Variants in FKBP11 observed in about 807,000 individuals in gnomAD.
FKBP11 encodes peptidyl-prolyl cis-trans isomerase FKBP11.
FKBP11 carries 21 observed loss-of-function variants against 24.7 expected under a neutral mutation model. That is an observed-to-expected ratio of 0.85 (90% confidence interval 0.60 to 1.23). The LOEUF (loss-of-function observed/expected upper bound fraction) is 1.23, where lower values mean the gene tolerates loss of function less well. Among genes scored for constraint, FKBP11 ranks in the 50% most tolerant of loss-of-function variants. FKBP11 has a pLI of 0.00. For synonymous variants in FKBP11, 106 were observed against 100.6 expected, an observed-to-expected ratio of 1.05 and a Z score of -0.32; for missense variants, 245 against 248.7, an observed-to-expected ratio of 0.99 and a Z score of 0.10.
chr12:48,933,789 C>T, the FKBP11 span, among the ~76,000 whole-genome samples: 1 of 151,892 alleles, frequency 6.6e-6, no homozygotes, highest in Non-Finnish European at 1.5e-5. Context: ...ATCGCTTGAA[C>T]CTGGGAGGCA....
chr12:48,932,098 C>A, the FKBP11 span, among the ~76,000 whole-genome samples: 1 of 149,292 alleles, frequency 6.7e-6, no homozygotes, highest in East Asian at 2.0e-4. Context: ...ACTGCTTGAG[C>A]CCAGGAGTTT....
chr12:48,924,109 G>T, intron 4 of FKBP11, 114 bp downstream of exon 4: 1 of 1,282,664 alleles, frequency 7.8e-7, no homozygotes, highest in Non-Finnish European at 1.1e-6. Flanking sequence ...GACCTGTCCA[G>T]TGGGAAGCAG....
upstream of FKBP11, among the ~76,000 whole-genome samples, chr12:48,927,663 A>G (rs890805841): frequency 3.9e-5 from 6 of 152,194 alleles, no homozygotes; most frequent in African/African-American, 1.2e-4. Context: ...AGAGTTAACT[A>G]GAAAGCGTCC....
At chr12:48,932,228 TATATATATATATATA>T in the FKBP11 span, among the ~76,000 whole-genome samples, 5 of 32,834 alleles carry the variant, frequency 1.5e-4, no homozygotes, top group Admixed American at 8.6e-4. Context: ...AACATATATT[TATATATATATATATA>T]TATATATATA....
rs537256742 is a variant in FKBP11, at chr12:48,924,202, C to T, written c.317+21G>A. On this transcript the variant is annotated intron_variant, in intron 4 of 5. Coordinates refer to ENST00000550765, the MANE Select transcript of FKBP11 (RefSeq NM_016594.3). ...CCCATGCAAAGGGGGTACCCAGGCC[C>T]ACCCCTGCCGAGATACTCACCCCAC... 30 of 1,613,878 alleles carry T rather than the reference C, an allele frequency of 1.9e-5. No individual in the cohort carries two copies. In the African/African-American group the frequency reaches 3.9e-4, roughly 21 times the overall value.
chr12:48,929,669 C>T (rs1940023460), upstream of FKBP11, among the ~76,000 whole-genome samples: 1 of 152,210 alleles, frequency 6.6e-6, no homozygotes. Context: ...TAAACTGAAT[C>T]CCTCTTAGAG....
At chr12:48,933,984 G>A in the FKBP11 span, among the ~76,000 whole-genome samples, 1 of 152,134 alleles carries the variant, frequency 6.6e-6, no homozygotes, top group Admixed American at 6.5e-5. Context: ...GTATACTACA[G>A]ATGTCCCAAA....
At chr12:48,924,116 G>T in intron 4 of FKBP11, 107 bp downstream of exon 4, 1 of 1,336,926 alleles carries the variant, frequency 7.5e-7, no homozygotes, top group Non-Finnish European at 1.1e-6. Context: ...CCAGTGGGAA[G>T]CAGGGTCCTT....
intron 2 of FKBP11, 61 bp from the exon 3 acceptor site, chr12:48,924,709 AAC>A: frequency 1.9e-6 from 3 of 1,590,662 alleles, no homozygotes; most frequent in Non-Finnish European, 2.6e-6. Context: ...GCAGGCGCGC[AAC>A]ACACACCTGG....
At chr12:48,929,687 C>T (rs551450564), upstream of FKBP11, among the ~76,000 whole-genome samples, 5 of 152,286 alleles carry the variant, frequency 3.3e-5, 1 homozygote, top group South Asian at 1.0e-3. Context: ...GAGACAGGAA[C>T]CTCATGTTTC....
At chr12:48,931,067 T>A (rs1940042750), upstream of FKBP11, among the ~76,000 whole-genome samples, 3 of 138,150 alleles carry the variant, frequency 2.2e-5, no homozygotes. Context: ...AGGCGGAGCT[T>A]GCAGTGAGCC....
upstream of FKBP11, among the ~76,000 whole-genome samples, chr12:48,931,128 T>TAAAAAAAAAAAAAAA (rs35482677): frequency 2.8e-5 from 1 of 36,210 alleles, no homozygotes; most frequent in Non-Finnish European, 4.6e-5. Flanking sequence ...GACTCCAGCT[T>TAAAAAAAAAAAAAAA]AAAAAAAAAA....
the FKBP11 span, among the ~76,000 whole-genome samples, chr12:48,935,018 CAA>C: frequency 0.34 from 29,438 of 87,526 alleles, 3,843 homozygotes; most frequent in Admixed American, 0.47. Flanking sequence ...AATTCCGTCT[CAA>C]AAAAAAAAAA....
chr12:48,923,016 C>T (rs946603710), intron 5 of FKBP11: 5 of 733,574 alleles, frequency 6.8e-6, no homozygotes, highest in South Asian at 3.2e-5. Flanking sequence ...GTCGTGGTGG[C>T]GCATGCCTGT....
At chr12:48,923,603 C>T (rs534962905) in intron 5 of FKBP11, 179 bp downstream of exon 5, 1 of 1,553,082 alleles carries the variant, frequency 6.4e-7, no homozygotes, top group African/African-American at 1.4e-5. Context: ...TGTCTTTAGT[C>T]CCTGTTGGTG....
chr12:48,924,832 G>A lies in FKBP11; in HGVS notation c.196-184C>T, dbSNP rs1429996311. 10 of 1,446,854 alleles carry A rather than the reference G, an allele frequency of 6.9e-6. No homozygotes were observed. In the East Asian group the frequency reaches 2.5e-4, roughly 36 times the overall value. The allele number at this position is 1,446,854 out of a possible 1,614,324, so 89.6% of individuals were successfully genotyped here. A position where few individuals can be genotyped will look rare whatever the true frequency, so the allele number is the denominator to read the frequency against. ...CGCTTCTCGGAGATCTCTCCACCCT[G>A]CACTTCTCCGTGCCAGGTAGGAACT... On this transcript the variant is annotated intron_variant, in intron 2 of 5. Coordinates refer to ENST00000550765, the MANE Select transcript of FKBP11 (RefSeq NM_016594.3).
upstream of FKBP11, among the ~76,000 whole-genome samples, chr12:48,929,379 T>C (rs1940020429): frequency 6.6e-6 from 1 of 151,884 alleles, no homozygotes; most frequent in African/African-American, 2.4e-5. Flanking sequence ...GTCCAGGAGG[T>C]CAAGGCTGCA....
chr12:48,936,770 G>A, the FKBP11 span: 1 of 152,210 alleles, frequency 6.6e-6, no homozygotes, highest in Non-Finnish European at 1.5e-5. Flanking sequence ...GAACCACAAA[G>A]ATAGAGTGGA....
intron 5 of FKBP11, chr12:48,922,720 C>A: frequency 1.0e-6 from 1 of 993,844 alleles, no homozygotes; most frequent in Non-Finnish European, 1.2e-6. Context: ...GCAGGTGGAA[C>A]AGAAATGAGT....
Sources: allele counts gnomAD v4.1 joint callset (sites outside exome capture counted in the v4.1 genomes callset), GRCh38; gene constraint gnomAD v4.1.1; transcripts MANE v1.5; gene names NCBI Gene and HGNC (gene_info 2026-07-23, HGNC 2026-07-21).